KIF17: variants seen among roughly 807,000 people sequenced by gnomAD.
KIF17 encodes kinesin-like protein KIF17.
In KIF17, 80 loss-of-function variants were observed where a neutral mutation model predicts 96.8. That is an observed-to-expected ratio of 0.83 (90% CI 0.69 to 1.00). The LOEUF (loss-of-function observed/expected upper bound fraction) is 1.00. Ranked by LOEUF, KIF17 falls within the 50% of genes least tolerant of loss-of-function variation. The pLI is 0.00. For synonymous variants in KIF17, 567 were observed against 587.5 expected (o/e 0.97, Z 0.51); for missense variants, 1,280 against 1,372.9 (o/e 0.93, Z 1.07).
At chr1:20,676,203 A>AG (rs2053734321) in intron 11 of KIF17, among the ~76,000 whole-genome samples, 1 of 152,232 alleles carries the variant, frequency 6.6e-6, no homozygotes, top group Non-Finnish European at 1.5e-5. Context: ...TAGAAAAAAA[A>AG]CATGAGGGAA....
chr1:20,713,318 A>G, intron 3 of KIF17, 136 bp downstream of exon 3: 1 of 637,296 alleles, frequency 1.6e-6, no homozygotes. Context: ...TTTAATTAAA[A>G]AAAAAAAAAA....
Position 20,704,430 on chromosome 1 carries a change from C to A in KIF17, c.1123+17G>T. On this transcript the variant is annotated intron_variant, in intron 5 of 14. Coordinates refer to ENST00000400463, the MANE Select transcript of KIF17 (RefSeq NM_001122819.3). This position sits in a 1 kb window ranked among gnomAD's most constrained non-coding sequence, Gnocchi z 6.8. ...TGGGGACCTGGCCCTCCCGCCACTA[C>A]CCCAACGTGGTCCCACCTGACAGGC... The A allele has an allele frequency of 1.9e-6, 3 of 1,609,220 alleles. No individual in the cohort carries two copies. The highest frequency in any genetic ancestry group is 2.5e-6 in the Non-Finnish European group (3 of 1,176,718).
chr1:20,682,978 A>G, intron 10 of KIF17, 94 bp from the exon 11 acceptor site: 3 of 1,076,110 alleles, frequency 2.8e-6, no homozygotes, highest in Admixed American at 2.0e-5. Context: ...TGGGCCCCCC[A>G]GATCCTTCCA....
intron 6 of KIF17, among the ~76,000 whole-genome samples, chr1:20,696,224 G>A (rs1359810821): frequency 3.3e-5 from 5 of 151,824 alleles, no homozygotes; most frequent in African/African-American, 4.8e-5. Flanking sequence ...TCCCTACACA[G>A]AGGGGGCTCC....
At position 20,664,637 on chromosome 1, in the gene KIF17, T is replaced by G; in HGVS notation, c.3034A>C (p.Thr1012Pro). The change falls in exon 15 of 15, where the codon ACC (threonine) becomes CCC (proline). Residue 1012 changes from threonine (T) to proline (P), a missense_variant. Physicochemically the swap from Thr to Pro is conservative, Grantham distance 38. Coordinates refer to ENST00000400463, the MANE Select transcript of KIF17 (RefSeq NM_001122819.3). ...FRLESLDIPFTKAKRKKSKSN... is the reference protein window; with the variant it reads ...FRLESLDIPFPKAKRKKSKSN... ...TTGCTTTTCTTACGCTTGGCCTTGG[T>G]GAAAGGGATGTCGAGGGACTCGAGG... 6.3e-7 allele frequency: 1 copy of G among 1,597,248 alleles called. No individual in the cohort carries two copies.
intron 13 of KIF17, among the ~76,000 whole-genome samples, chr1:20,667,970 A>G (rs1293797132): frequency 6.6e-6 from 1 of 151,072 alleles, no homozygotes; most frequent in Non-Finnish European, 1.5e-5. Context: ...AGATCGCACA[A>G]CTGCACTCCA....
At chr1:20,662,023 T>A (rs1423012401), downstream of KIF17, among the ~76,000 whole-genome samples, 1 of 152,222 alleles carries the variant, frequency 6.6e-6, no homozygotes, top group African/African-American at 2.4e-5. Flanking sequence ...CCAAGTTGCA[T>A]CTCTCACTAG....
At chr1:20,698,951 T>G (rs1040905054) in intron 5 of KIF17, among the ~76,000 whole-genome samples, 1 of 152,154 alleles carries the variant, frequency 6.6e-6, no homozygotes, top group Non-Finnish European at 1.5e-5. Flanking sequence ...TGCAATTTTT[T>G]TACTTATATA....
At chr1:20,680,062 G>A (rs1377121103) in intron 11 of KIF17, among the ~76,000 whole-genome samples, 1 of 152,162 alleles carries the variant, frequency 6.6e-6, no homozygotes, top group Non-Finnish European at 1.5e-5. Flanking sequence ...TCCGCTCACT[G>A]CAACCTCCAC....
chr1:20,666,821 A>G (rs745322898), intron 13 of KIF17, among the ~76,000 whole-genome samples: 8 of 152,136 alleles, frequency 5.3e-5, no homozygotes, highest in Non-Finnish European at 8.8e-5. Context: ...GTTTTCTTCA[A>G]TCTAAATCTC....
At chr1:20,697,832 G>C (rs138108129) in intron 6 of KIF17, among the ~76,000 whole-genome samples, 6 of 152,340 alleles carry the variant, frequency 3.9e-5, no homozygotes, top group Non-Finnish European at 8.8e-5. Context: ...GGCATCGTCT[G>C]ACCCGCTGCT....
chr1:20,687,486 C>G lies in KIF17; in HGVS notation c.1840G>C (p.Asp614His). The change falls in exon 8 of 15, where the codon GAC becomes CAC. Residue 614 changes from aspartate (D) to histidine (H), a missense_variant. Transcript: ENST00000400463. The surrounding 1 kb of genome is among the most constrained non-coding windows in gnomAD (Gnocchi z 4.4). Reference protein sequence around the residue: ...VPLQGLLGLQDPFAEVEAKLA... With the variant: ...VPLQGLLGLQHPFAEVEAKLA... ...TTGGCTTCCACCTCGGCAAACGGGT[C>G]CTGCAGGCCTAGTAACCCCTGCAGG... 1 of 1,613,920 alleles carries G rather than the reference C, an allele frequency of 6.2e-7. No individual in the cohort carries two copies. The highest frequency in any genetic ancestry group is 1.3e-5 in the African/African-American group (1 of 75,046).
intron 5 of KIF17, among the ~76,000 whole-genome samples, chr1:20,703,490 G>GGATA (rs1486073852): frequency 6.8e-5 from 8 of 118,456 alleles, no homozygotes; most frequent in African/African-American, 2.5e-4. Flanking sequence ...ATGGATAGAT[G>GGATA]GATGGATGCA....
intron 5 of KIF17, among the ~76,000 whole-genome samples, chr1:20,703,170 G>GATGGAGATGA (rs1553151970): frequency 6.9e-6 from 1 of 145,088 alleles, no homozygotes; most frequent in East Asian, 2.0e-4. Flanking sequence ...GATGGAGATG[G>GATGGAGATGA]ATGGATGAAT....
chr1:20,713,389 G>A, intron 3 of KIF17, 65 bp downstream of exon 3: 3 of 1,156,170 alleles, frequency 2.6e-6, no homozygotes, highest in South Asian at 2.5e-5. Flanking sequence ...TATTTCTGAG[G>A]GAGCAGCACC....
intron 5 of KIF17, among the ~76,000 whole-genome samples, chr1:20,702,211 G>C (rs1280313619): frequency 6.6e-6 from 1 of 152,222 alleles, no homozygotes; most frequent in Non-Finnish European, 1.5e-5. Flanking sequence ...TGGCTGAGTT[G>C]CTTGTCTGAG....
downstream of KIF17, among the ~76,000 whole-genome samples, chr1:20,661,923 A>G (rs993730521): frequency 2.0e-5 from 3 of 152,244 alleles, no homozygotes; most frequent in African/African-American, 7.2e-5. Flanking sequence ...TCCAGGGGCC[A>G]TGGCATGGAC....
At position 20,700,778 on chromosome 1, in the gene KIF17, C is replaced by T. The variant is rs961752987; in HGVS notation, c.1124-2290G>A. Among the ~76,000 whole-genome samples the T allele has an allele frequency of 3.3e-5, 5 of 151,898 alleles. No individual in the cohort carries two copies. The highest frequency in any genetic ancestry group is 1.3e-4 in the Admixed American group (2 of 15,256). On this transcript the variant is annotated intron_variant, in intron 5 of 14. Transcript: ENST00000400463. This position sits in a 1 kb window ranked among gnomAD's most constrained non-coding sequence, Gnocchi z 4.6. The stretch of plus-strand genomic sequence containing the variant: ...CTTTGGTATATAAACCAGCCGAACC[C>T]GAGTCCACACCCCAAGCCACCTGCT...
chr1:20,682,574 A>G (rs112582931), intron 11 of KIF17, 79 bp downstream of exon 11: 4 of 1,222,476 alleles, frequency 3.3e-6, no homozygotes, highest in African/African-American at 3.0e-5. Context: ...GGCTTCCTAC[A>G]AGGTGTAGGG....
Sources: allele counts gnomAD v4.1 joint callset (sites outside exome capture counted in the v4.1 genomes callset), GRCh38; gene constraint gnomAD v4.1.1; non-coding constraint Gnocchi (gnomAD v3.1); transcripts MANE v1.5; gene names NCBI Gene and HGNC (gene_info 2026-07-23, HGNC 2026-07-21).